CDC73: variants seen among roughly 807,000 people sequenced by gnomAD.
CDC73 encodes cell division cycle 73, also known as parafibromin.
A neutral mutation model predicts 83.7 loss-of-function variants in CDC73; 21 were observed. That is an observed-to-expected ratio of 0.25 (90% CI 0.18 to 0.36). The LOEUF (loss-of-function observed/expected upper bound fraction) is 0.36, where lower values mean the gene tolerates loss of function less well. Ranked by LOEUF, CDC73 falls within the 10% of genes least tolerant of loss-of-function variation. CDC73 has a pLI of 1.00. For synonymous variants in CDC73, 224 were observed against 212.9 expected, an observed-to-expected ratio of 1.05 and a Z score of -0.45; for missense variants, 342 against 653.3, an observed-to-expected ratio of 0.52 and a Z score of 5.19.
intron 11 of CDC73, among the ~76,000 whole-genome samples, chr1:193,205,337 G>A (rs190679693): frequency 1.5e-4 from 23 of 151,400 alleles, no homozygotes; most frequent in African/African-American, 4.4e-4. Context: ...GTGCAGATTT[G>A]GATATCCTCA....
intron 13 of CDC73, among the ~76,000 whole-genome samples, chr1:193,219,844 C>G (rs979363361): frequency 1.7e-4 from 26 of 152,062 alleles, no homozygotes; most frequent in African/African-American, 6.3e-4. Context: ...TGCAATATAC[C>G]CATGTAACAA....
chr1:193,199,203 T>G (rs553839816), intron 10 of CDC73, among the ~76,000 whole-genome samples: 1 of 152,306 alleles, frequency 6.6e-6, no homozygotes, highest in South Asian at 2.1e-4. Flanking sequence ...TTTATGTTTT[T>G]TAGCCTCATT....
chr1:193,206,763 G>GTTCTCTT (rs1677195653), intron 11 of CDC73, among the ~76,000 whole-genome samples: 2 of 152,172 alleles, frequency 1.3e-5, no homozygotes, highest in African/African-American at 4.8e-5. Flanking sequence ...CAAGGGTGGA[G>GTTCTCTT]TTCTGTTTTT....
chr1:193,204,227 G>A (rs4259624), intron 11 of CDC73, among the ~76,000 whole-genome samples: 92 of 12,272 alleles, frequency 7.5e-3, no homozygotes, highest in South Asian at 0.058. Context: ...GTATATATAT[G>A]TATATATACA....
intron 2 of CDC73, among the ~76,000 whole-genome samples, chr1:193,126,226 T>C (rs2103114838): frequency 6.6e-6 from 1 of 152,358 alleles, no homozygotes; most frequent in African/African-American, 2.4e-5. Flanking sequence ...TTGTAAGGAT[T>C]AAGATTAGCA....
At chr1:193,149,291 G>A (rs1676064075) in intron 8 of CDC73, among the ~76,000 whole-genome samples, 1 of 151,862 alleles carries the variant, frequency 6.6e-6, no homozygotes, top group African/African-American at 2.4e-5. Flanking sequence ...GAATGAAACT[G>A]TTCCACCTCA....
rs960030007 is a variant in CDC73, at chr1:193,203,862, T to C, written c.1030+10T>C. 5 of 1,612,672 alleles carry C rather than the reference T, an allele frequency of 3.1e-6. No individual in the cohort carries two copies. Among genetic ancestry groups the C allele is most frequent in the African/African-American group, 1.3e-5 (1 of 74,888 alleles). ...CCAGTACCAAGACCAGGTAGAAATATAGAACTTTGCTTTTTGTTTTCTTTC... is the reference window on the plus strand; with the variant it reads ...CCAGTACCAAGACCAGGTAGAAATACAGAACTTTGCTTTTTGTTTTCTTTC... On this transcript the variant is annotated intron_variant, in intron 11 of 16. Transcript: ENST00000367435.
At chr1:193,219,832 C>T (rs1428505500) in intron 13 of CDC73, among the ~76,000 whole-genome samples, 1 of 152,150 alleles carries the variant, frequency 6.6e-6, no homozygotes, top group Non-Finnish European at 1.5e-5. Flanking sequence ...ACCCCAGTGA[C>T]ATGCAATATA....
At position 193,253,266 on chromosome 1, in the gene CDC73, G is replaced by A. The variant is rs140807921; in HGVS notation, c.*2554G>A. The A allele has an allele frequency of 8.6e-6, 2 of 232,470 alleles. No homozygotes were observed. The highest frequency in any genetic ancestry group is 1.2e-4 in the East Asian group (2 of 16,444). 14.4% of individuals were successfully genotyped at this position (232,470 alleles called of 1,614,324 possible). A position where few individuals can be genotyped will look rare whatever the true frequency, so the allele number is the denominator to read the frequency against. ...AATTTGAGACAAGACCTGGTCATCA[G>A]TATTTTTTTTAAAGTTCTCCAGGTA... On this transcript the variant is annotated 3_prime_UTR_variant, in exon 17 of 17. Transcript: ENST00000367435.
At chr1:193,182,597 CT>C (rs1463155377) in intron 10 of CDC73, among the ~76,000 whole-genome samples, 1 of 151,564 alleles carries the variant, frequency 6.6e-6, no homozygotes, top group Non-Finnish European at 1.5e-5. Flanking sequence ...ATTTGTTAAA[CT>C]TTTAGAACTT....
chr1:193,238,616 T>G (rs6428157), intron 15 of CDC73, among the ~76,000 whole-genome samples: 94,920 of 152,036 alleles, frequency 0.62, 30,076 homozygotes, highest in South Asian at 0.77. Context: ...CCCATATAAC[T>G]TTTGACTTAT....
chr1:193,129,374 C>T lies in CDC73; in HGVS notation c.238-800C>T, dbSNP rs1019621629. ...CTTGAACTCATGACCTCAAGGGATG[C>T]GCCCGCCTTGGCCTCCCGCAGTGCT... On this transcript the variant is annotated intron_variant, in intron 2 of 16. Coordinates refer to ENST00000367435, the MANE Select transcript of CDC73 (RefSeq NM_024529.5). Among the ~76,000 whole-genome samples, 9 of 151,860 alleles carry T rather than the reference C, an allele frequency of 5.9e-5. No homozygotes were observed. In the East Asian group the frequency reaches 7.8e-4, roughly 13 times the overall value.
In CDC73 at chr1:193,146,894, G is replaced by A. The variant is rs529788271; in HGVS notation, c.730-973G>A. Among the ~76,000 whole-genome samples, 14 of 152,276 alleles carry A rather than the reference G, an allele frequency of 9.2e-5. No homozygotes were observed. The South Asian group carries it at 1.7e-3, about 18-fold the overall frequency. On this transcript the variant is annotated intron_variant, in intron 7 of 16. Coordinates refer to ENST00000367435, the MANE Select transcript of CDC73 (RefSeq NM_024529.5). ...GATAGTATCTCAAAACTCATATGTA[G>A]CAATCTGAAATTAGCACTGGAGTTT... is the stretch of plus-strand genomic sequence containing the variant.
In CDC73 at chr1:193,133,619, A is replaced by G. The variant is rs552332719; in HGVS notation, c.308-1772A>G. Among the ~76,000 whole-genome samples the G allele has an allele frequency of 7.9e-5, 12 of 152,326 alleles. No homozygotes were observed. The East Asian group carries it at 1.5e-3, about 20-fold the overall frequency. ...ATGATTAAAGAGACATGTCAAGTCA[A>G]TGGGAGGAAGGTGGGATTATTCAGT... On this transcript the variant is annotated intron_variant, in intron 3 of 16. Transcript: ENST00000367435.
rs184789846 is a variant in CDC73 at position 193,250,639 on chromosome 1, C to T, written c.1560-37C>T. 11 of 1,486,988 alleles carry T rather than the reference C, an allele frequency of 7.4e-6. No homozygotes were observed. The African/African-American group carries it at 9.7e-5, about 13-fold the overall frequency. 92.1% of individuals were successfully genotyped at this position (1,486,988 alleles called of 1,614,324 possible). Reference sequence around the variant, plus strand: ...CATTATTCTAAAAATTCTAAAATTCCTATAGTCATTATAACCTACCATAAT... The same window carrying T: ...CATTATTCTAAAAATTCTAAAATTCTTATAGTCATTATAACCTACCATAAT... On this transcript the variant is annotated intron_variant, in intron 16 of 16. Coordinates refer to ENST00000367435, the MANE Select transcript of CDC73 (RefSeq NM_024529.5).
At chr1:193,232,171 T>C (rs1677672635) in intron 13 of CDC73, among the ~76,000 whole-genome samples, 2 of 152,252 alleles carry the variant, frequency 1.3e-5, no homozygotes, top group Non-Finnish European at 2.9e-5. Context: ...ATTTTCATAC[T>C]TTAAAATTTT....
intron 10 of CDC73, among the ~76,000 whole-genome samples, chr1:193,153,473 A>G (rs996671331): frequency 6.6e-6 from 1 of 152,200 alleles, no homozygotes; most frequent in African/African-American, 2.4e-5. Context: ...CTTGTGAATC[A>G]TCAGATCTTT....
chr1:193,229,153 T>C (rs1391503408), intron 13 of CDC73, among the ~76,000 whole-genome samples: 1 of 152,236 alleles, frequency 6.6e-6, no homozygotes, highest in East Asian at 1.9e-4. Flanking sequence ...TTCAACTGCT[T>C]TGGAAAACTT....
At chr1:193,172,237 CTTTTTTTTT>C (rs36004862) in intron 10 of CDC73, among the ~76,000 whole-genome samples, 3 of 134,362 alleles carry the variant, frequency 2.2e-5, no homozygotes, top group African/African-American at 8.3e-5. Context: ...TTTTTGGTAC[CTTTTTTTTT>C]TTTTTTTTTA....
Sources: allele counts gnomAD v4.1 joint callset (sites outside exome capture counted in the v4.1 genomes callset), GRCh38; gene constraint gnomAD v4.1.1; transcripts MANE v1.5; gene names NCBI Gene and HGNC (gene_info 2026-07-23, HGNC 2026-07-21).